The following PARD3 variants were observed in gnomAD, a reference collection of about 807,000 sequenced individuals.
PARD3 encodes the protein par-3 family cell polarity regulator.
PARD3 carries 75 observed loss-of-function variants against 155.4 expected under a neutral mutation model. The ratio of observed to expected loss-of-function variants is 0.48; its 90% CI spans 0.40 to 0.58. The LOEUF is 0.58. PARD3 is among the 20% of genes least tolerant of loss of function. The probability of loss-of-function intolerance (pLI) is 0.00; values close to 1 mark genes in which losing one functional copy is unlikely to be tolerated. For synonymous variants in PARD3, 576 were observed against 610.5 expected, an observed-to-expected ratio of 0.94 and a Z score of 0.83; for missense variants, 1,642 against 1,721.7, an observed-to-expected ratio of 0.95 and a Z score of 0.82.
At position 34,541,171 on chromosome 10, in the gene PARD3, G is replaced by A. The variant is rs182798979; in HGVS notation, c.223-24012C>T. Reference sequence around the variant, plus strand: ...TCCTATCTTTTTAATGAGGCACATGGAGGATGGTTTATTTATTCCCTAGGG... The same window carrying A: ...TCCTATCTTTTTAATGAGGCACATGAAGGATGGTTTATTTATTCCCTAGGG... On this transcript the variant is annotated intron_variant, in intron 2 of 24. Coordinates refer to ENST00000374788, the MANE Select transcript of PARD3 (RefSeq NM_001184785.2). Among the ~76,000 whole-genome samples, 97 of 152,314 alleles carry A rather than the reference G, an allele frequency of 6.4e-4. 3 individuals are homozygous for A. Among genetic ancestry groups the A allele is most frequent in the Middle Eastern group, 6.8e-3 (2 of 294 alleles).
At chr10:34,579,268 C>A (rs76892634) in intron 2 of PARD3, among the ~76,000 whole-genome samples, 100 of 136,144 alleles carry the variant, frequency 7.3e-4, no homozygotes, top group African/African-American at 9.7e-4. Context: ...AGACTGGTCT[C>A]AAAAAAAAAA....
chr10:34,648,361 A>G (rs1321070350), intron 2 of PARD3, among the ~76,000 whole-genome samples: 1 of 152,208 alleles, frequency 6.6e-6, no homozygotes, highest in African/African-American at 2.4e-5. Flanking sequence ...TGAATGGCTC[A>G]TCTTTTCATG....
rs1215768485 is a variant in PARD3 at position 34,234,000 on chromosome 10, A to G, written c.3419+35657T>C. On this transcript the variant is annotated intron_variant, in intron 22 of 24. Transcript: ENST00000374788. The stretch of plus-strand genomic sequence containing the variant: ...AACACCTGTGTAACCAAGCCCCTAT[A>G]CTAAATCTCATCTGTTTGAAGTACC... 4.6e-5 allele frequency among the ~76,000 whole-genome samples: 7 copies of G among 152,210 alleles called. No individual in the cohort carries two copies. The East Asian group carries it at 1.3e-3, about 29-fold the overall frequency.
At chr10:34,275,732 C>T (rs924989970) in intron 21 of PARD3, among the ~76,000 whole-genome samples, 2 of 151,962 alleles carry the variant, frequency 1.3e-5, no homozygotes, top group African/African-American at 4.8e-5. Context: ...ATAAAAATAA[C>T]ATGACTTCTT....
chr10:34,696,197 G>A, intron 2 of PARD3, 121 bp downstream of exon 2: 1 of 634,590 alleles, frequency 1.6e-6, no homozygotes, highest in Non-Finnish European at 2.8e-6. Flanking sequence ...TACTAGAGTG[G>A]GTGGCCCACA....
intron 12 of PARD3, among the ~76,000 whole-genome samples, chr10:34,363,999 C>A (rs1467915451): frequency 6.6e-6 from 1 of 152,222 alleles, no homozygotes. Context: ...ACATTTCTAT[C>A]TGCAGTGAGA....
At chr10:34,255,236 G>GA (rs1160408037) in intron 22 of PARD3, among the ~76,000 whole-genome samples, 6 of 151,926 alleles carry the variant, frequency 3.9e-5, no homozygotes, top group South Asian at 2.1e-4. Context: ...CCAACTGCCA[G>GA]AAAAAAAATC....
At chr10:34,648,025 C>T (rs12049675) in intron 2 of PARD3, among the ~76,000 whole-genome samples, 36,249 of 152,094 alleles carry the variant, frequency 0.24, 5,319 homozygotes, top group East Asian at 0.41. Flanking sequence ...GTCCAACATA[C>T]AAATAATATC....
At chr10:34,561,540 A>T (rs1438978851) in intron 2 of PARD3, among the ~76,000 whole-genome samples, 8 of 150,980 alleles carry the variant, frequency 5.3e-5, no homozygotes, top group Admixed American at 5.3e-4. Flanking sequence ...TTTTTTTGAG[A>T]TGGAGTTTCA....
At chr10:34,545,984 G>A in intron 2 of PARD3, among the ~76,000 whole-genome samples, 1 of 152,120 alleles carries the variant, frequency 6.6e-6, no homozygotes, top group Non-Finnish European at 1.5e-5. Context: ...GAATTATAAG[G>A]GATGTATTTT....
At chr10:34,209,143 G>T (rs1017421108) in intron 22 of PARD3, among the ~76,000 whole-genome samples, 1 of 152,170 alleles carries the variant, frequency 6.6e-6, no homozygotes, top group Non-Finnish European at 1.5e-5. Flanking sequence ...TTCTACTTGG[G>T]TGACCTAGAA....
intron 2 of PARD3, chr10:34,664,009 C>T (rs1049671876): frequency 6.6e-6 from 1 of 152,294 alleles, no homozygotes; most frequent in South Asian, 2.1e-4. Flanking sequence ...TCTGCCTTCT[C>T]TTGGCTTAGC....
chr10:34,320,597 T>C (rs1958312560), intron 19 of PARD3, among the ~76,000 whole-genome samples: 1 of 152,248 alleles, frequency 6.6e-6, no homozygotes, highest in African/African-American at 2.4e-5. Context: ...CAACTCACTA[T>C]ATGCTGAAGT....
intron 22 of PARD3, among the ~76,000 whole-genome samples, chr10:34,241,714 G>A (rs533118755): frequency 2.0e-5 from 3 of 152,112 alleles, no homozygotes; most frequent in Non-Finnish European, 4.4e-5. Context: ...CACCACTTGA[G>A]CCTGTGGGAG....
intron 15 of PARD3, chr10:34,344,791 C>A: frequency 1.0e-6 from 1 of 985,224 alleles, no homozygotes. Flanking sequence ...CCTGTCTGAC[C>A]CCAACAAAAG....
At chr10:34,124,967 G>A (rs1947197611) in intron 23 of PARD3, among the ~76,000 whole-genome samples, 5 of 152,192 alleles carry the variant, frequency 3.3e-5, no homozygotes, top group Admixed American at 3.3e-4. Context: ...TGAGGGACAG[G>A]TCACAGGGCA....
At chr10:34,371,787 C>T (rs1234312132) in intron 12 of PARD3, among the ~76,000 whole-genome samples, 2 of 151,928 alleles carry the variant, frequency 1.3e-5, no homozygotes. Flanking sequence ...AAAAAAGATC[C>T]TGATTGTTAG....
intron 2 of PARD3, among the ~76,000 whole-genome samples, chr10:34,517,724 A>C (rs901291349): frequency 3.3e-5 from 5 of 151,936 alleles, no homozygotes; most frequent in African/African-American, 1.2e-4. Context: ...ACACACACAC[A>C]CCAAGAATGA....
At chr10:34,318,059 T>G (rs762326388) in intron 19 of PARD3, among the ~76,000 whole-genome samples, 7 of 152,142 alleles carry the variant, frequency 4.6e-5, no homozygotes, top group African/African-American at 7.2e-5. Context: ...ATAAGTGCAC[T>G]TCTCTGGACT....
Sources: allele counts gnomAD v4.1 joint callset (sites outside exome capture counted in the v4.1 genomes callset), GRCh38; gene constraint gnomAD v4.1.1; transcripts MANE v1.5; gene names NCBI Gene and HGNC (gene_info 2026-07-23, HGNC 2026-07-21).